Variants in SHANK2 observed in about 807,000 individuals in gnomAD.
The protein encoded by SHANK2 is SH3 and multiple ankyrin repeat domains 2, also known as SH3 and multiple ankyrin repeat domains protein 2.
Under a neutral mutation model 133.7 loss-of-function variants are expected in SHANK2, and 43 were observed. That is an observed-to-expected ratio of 0.32 (90% CI 0.25 to 0.41). The LOEUF is 0.41. Among genes scored for constraint, SHANK2 ranks in the 10% least tolerant of loss-of-function variants. The probability of loss-of-function intolerance (pLI) is 1.00; values close to 1 mark genes in which losing one functional copy is unlikely to be tolerated. For missense variants in SHANK2, 1,994 were observed against 2,235.8 expected (o/e 0.89, Z 2.18); for synonymous variants, 1,017 against 952.8 (o/e 1.07, Z -1.24).
At chr11:70,493,266 C>T (rs1246791315) in intron 21 of SHANK2, among the ~76,000 whole-genome samples, 5 of 146,410 alleles carry the variant, frequency 3.4e-5, no homozygotes, top group South Asian at 4.3e-4. Flanking sequence ...CCCAAGGCAG[C>T]GTGGGTGTTT....
intron 17 of SHANK2, among the ~76,000 whole-genome samples, chr11:70,590,470 C>A (rs2060307046): frequency 6.6e-6 from 1 of 152,180 alleles, no homozygotes; most frequent in Non-Finnish European, 1.5e-5. Context: ...TACAGAGACA[C>A]CTTTCATGAA....
chr11:70,953,122 T>C (rs1351845548), intron 10 of SHANK2, among the ~76,000 whole-genome samples: 1 of 152,074 alleles, frequency 6.6e-6, no homozygotes, highest in Non-Finnish European at 1.5e-5. Flanking sequence ...CTTTGAACAC[T>C]GGCCCTTTCC....
chr11:70,628,461 T>A (rs1426174650), intron 17 of SHANK2, among the ~76,000 whole-genome samples: 1 of 152,174 alleles, frequency 6.6e-6, no homozygotes, highest in Non-Finnish European at 1.5e-5. Context: ...GTAAGCATAG[T>A]CACTACTAAG....
intron 3 of SHANK2, among the ~76,000 whole-genome samples, chr11:71,140,717 T>C (rs1429629681): frequency 6.6e-6 from 1 of 152,202 alleles, no homozygotes; most frequent in African/African-American, 2.4e-5. Flanking sequence ...TGGTGTTTGT[T>C]CCCGACAGGT....
chr11:70,599,593 G>A (rs868922873), intron 17 of SHANK2, among the ~76,000 whole-genome samples: 1 of 62,364 alleles, frequency 1.6e-5, no homozygotes, highest in African/African-American at 6.2e-5. Flanking sequence ...GGGCGACAGC[G>A]AGACTCCGTC....
intron 10 of SHANK2, among the ~76,000 whole-genome samples, chr11:70,913,813 T>C (rs1950229074): frequency 6.6e-6 from 1 of 152,176 alleles, no homozygotes; most frequent in African/African-American, 2.4e-5. Flanking sequence ...CATTGCCGGA[T>C]GGCCAGGCTC....
intron 10 of SHANK2, among the ~76,000 whole-genome samples, chr11:70,937,443 C>A (rs781790634): frequency 7.9e-5 from 12 of 152,200 alleles, no homozygotes; most frequent in Admixed American, 7.9e-4. Flanking sequence ...ATGTGACCTT[C>A]GGATGATGGA....
chr11:70,736,788 C>T (rs1946414165), intron 14 of SHANK2, among the ~76,000 whole-genome samples: 1 of 152,182 alleles, frequency 6.6e-6, no homozygotes. Context: ...CCCACCCTCA[C>T]ACCCTTCAGA....
At chr11:70,593,064 C>A (rs970431507) in intron 17 of SHANK2, among the ~76,000 whole-genome samples, 2 of 152,194 alleles carry the variant, frequency 1.3e-5, no homozygotes, top group South Asian at 2.1e-4. Flanking sequence ...GTCTGTCTGG[C>A]CCCATAGTTC....
intron 17 of SHANK2, among the ~76,000 whole-genome samples, chr11:70,595,970 C>G (rs1591627065): frequency 6.6e-6 from 1 of 152,168 alleles, no homozygotes; most frequent in Non-Finnish European, 1.5e-5. Context: ...AGGAGAACAT[C>G]GTGAGGATGA....
intron 18 of SHANK2, 49 bp from the exon 19 acceptor site, chr11:70,502,335 G>C (rs1040432179): frequency 2.1e-5 from 32 of 1,513,642 alleles, no homozygotes; most frequent in Non-Finnish European, 2.4e-5. Flanking sequence ...CATGTTTCCA[G>C]ATATGGGAAT....
chr11:70,812,442 T>G (rs1948299292), intron 12 of SHANK2, among the ~76,000 whole-genome samples: 1 of 152,228 alleles, frequency 6.6e-6, no homozygotes, highest in Non-Finnish European at 1.5e-5. Context: ...GTCCCCATTT[T>G]ACAGGTGAGA....
At chr11:70,644,964 G>A (rs2061240456) in intron 17 of SHANK2, among the ~76,000 whole-genome samples, 1 of 152,218 alleles carries the variant, frequency 6.6e-6, no homozygotes. Context: ...GCTCATGGCT[G>A]TAATGCCAGC....
chr11:70,668,697 T>C (rs1014066665), intron 15 of SHANK2: 3 of 152,404 alleles, frequency 2.0e-5, no homozygotes, highest in African/African-American at 7.2e-5. Context: ...CTGGAAGACT[T>C]CCTGGAGGAG....
At chr11:70,533,419 T>A (rs1322226662) in intron 17 of SHANK2, among the ~76,000 whole-genome samples, 2 of 152,008 alleles carry the variant, frequency 1.3e-5, no homozygotes, top group African/African-American at 4.8e-5. Flanking sequence ...CGATTCAAGG[T>A]CTCAAATACA....
intron 17 of SHANK2, among the ~76,000 whole-genome samples, chr11:70,584,604 C>A (rs1554986260): frequency 6.6e-6 from 1 of 152,164 alleles, no homozygotes; most frequent in Non-Finnish European, 1.5e-5. Flanking sequence ...CAACGCTAAA[C>A]CCACTTACAC....
intron 23 of SHANK2, chr11:70,490,028 G>A (rs887250060): frequency 1.8e-5 from 5 of 284,358 alleles, no homozygotes; most frequent in Admixed American, 5.2e-5. Context: ...TGGGCTTCAA[G>A]ATGACAGAAG....
At chr11:70,666,697 C>T (rs915373282) in intron 15 of SHANK2, among the ~76,000 whole-genome samples, 12 of 152,176 alleles carry the variant, frequency 7.9e-5, no homozygotes, top group African/African-American at 2.9e-4. Context: ...GGCGCCTACA[C>T]GTTCCCCACG....
chr11:71,059,106 AC>A (rs1376876383), intron 9 of SHANK2, among the ~76,000 whole-genome samples: 1 of 152,140 alleles, frequency 6.6e-6, no homozygotes, highest in Non-Finnish European at 1.5e-5. Flanking sequence ...AATCCCAGCT[AC>A]TCGGGAGGCT....
Sources: allele counts gnomAD v4.1 joint callset (sites outside exome capture counted in the v4.1 genomes callset), GRCh38; gene constraint gnomAD v4.1.1; transcripts MANE v1.5; gene names NCBI Gene and HGNC (gene_info 2026-07-23, HGNC 2026-07-21).